AASS: variants seen among roughly 807,000 people sequenced by gnomAD.
The protein encoded by AASS is aminoadipate-semialdehyde synthase, also known as alpha-aminoadipic semialdehyde synthase, mitochondrial.
In AASS, 86 loss-of-function variants were observed where a neutral mutation model predicts 105.4. That is an observed-to-expected ratio of 0.82 (90% CI 0.69 to 0.98). The LOEUF (loss-of-function observed/expected upper bound fraction) is 0.98. AASS is among the 50% of genes least tolerant of loss of function. The probability of loss-of-function intolerance (pLI) is 0.00; values close to 1 mark genes in which losing one functional copy is unlikely to be tolerated. For missense variants in AASS, 1,048 were observed against 1,143.2 expected, an observed-to-expected ratio of 0.92 and a Z score of 1.20; for synonymous variants, 381 against 394.8, an observed-to-expected ratio of 0.96 and a Z score of 0.41.
At chr7:122,101,554 G>A (rs1584846691) in intron 12 of AASS, 67 bp downstream of exon 12, 2 of 1,491,998 alleles carry the variant, frequency 1.3e-6, no homozygotes, top group Non-Finnish European at 9.3e-7. Flanking sequence ...GAGAGAAACA[G>A]AGAGAAGAGA....
At position 122,096,458 on chromosome 7, in the gene AASS, T is replaced by C. The variant is rs1475250420; in HGVS notation, c.1655+1992A>G. On this transcript the variant is annotated intron_variant, in intron 15 of 23. Transcript: ENST00000417368. ...GCCTGAGCAACATGGTGATATCCCA[T>C]TGCTACTAAAAATACAAACTTTAGC... Among the ~76,000 whole-genome samples, 4 of 151,928 alleles carry C rather than the reference T, an allele frequency of 2.6e-5. No individual in the cohort carries two copies. The East Asian group carries it at 5.8e-4, about 22-fold the overall frequency.
chr7:122,120,242 G>A (rs1263287654), intron 4 of AASS, among the ~76,000 whole-genome samples: 5 of 152,038 alleles, frequency 3.3e-5, no homozygotes, highest in East Asian at 1.9e-4. Flanking sequence ...ATGCCTATTA[G>A]TGGAATTTAG....
intron 18 of AASS, among the ~76,000 whole-genome samples, chr7:122,087,883 T>C (rs1046280504): frequency 6.6e-6 from 1 of 152,152 alleles, no homozygotes; most frequent in Non-Finnish European, 1.5e-5. Flanking sequence ...CATAAGTCTA[T>C]CATGAAATCC....
chr7:122,076,678 T>C, intron 23 of AASS, 71 bp from the exon 24 acceptor site: 1 of 1,190,834 alleles, frequency 8.4e-7, no homozygotes, highest in Non-Finnish European at 1.3e-6. Flanking sequence ...ATCAAGAGTC[T>C]CCACAAAGAA....
rs139471028 is a variant in AASS at position 122,101,880 on chromosome 7, C to T, written c.1279-200G>A. ...TGCCCACAAGACTATGGTGTTTCAG[C>T]ACAAGTCCCAATTTTAAAACTAAAA... On this transcript the variant is annotated intron_variant, in intron 11 of 23. Transcript: ENST00000417368. 2.8e-3 allele frequency among the ~76,000 whole-genome samples: 426 copies of T among 151,984 alleles called. 1 individual carries two copies. Among genetic ancestry groups the T allele is most frequent in the Non-Finnish European group, 3.4e-3 (231 of 67,852 alleles).
intron 13 of AASS, among the ~76,000 whole-genome samples, chr7:122,101,101 G>A (rs866461183): frequency 9.9e-5 from 15 of 151,864 alleles, no homozygotes; most frequent in African/African-American, 3.6e-4. Context: ...CTACCTGAAG[G>A]ACAATCCTTT....
intron 11 of AASS, among the ~76,000 whole-genome samples, chr7:122,104,202 A>G (rs929251998): frequency 2.0e-5 from 3 of 152,086 alleles, no homozygotes; most frequent in Non-Finnish European, 4.4e-5. Context: ...TACTATTCAC[A>G]ATAGCAAAGT....
At chr7:122,141,658 CAAAAAAAAAAAAA>C (rs67469054) in intron 1 of AASS, among the ~76,000 whole-genome samples, 4 of 94,634 alleles carry the variant, frequency 4.2e-5, no homozygotes, top group South Asian at 3.8e-4. Flanking sequence ...CCTAACCCTG[CAAAAAAAAAAAAA>C]AAAAAAAAAA....
At chr7:122,118,999 A>G (rs560403310) in intron 4 of AASS, among the ~76,000 whole-genome samples, 9 of 152,298 alleles carry the variant, frequency 5.9e-5, no homozygotes, top group African/African-American at 2.2e-4. Context: ...ATCAGCATTT[A>G]AACATGCTCC....
At chr7:122,142,021 A>C (rs931814750) in intron 1 of AASS, among the ~76,000 whole-genome samples, 4 of 152,216 alleles carry the variant, frequency 2.6e-5, no homozygotes, top group African/African-American at 9.7e-5. Flanking sequence ...AAGAGTGGAC[A>C]TTCACCTAAG....
intron 8 of AASS, among the ~76,000 whole-genome samples, chr7:122,115,449 C>T (rs995256878): frequency 1.3e-5 from 2 of 152,012 alleles, no homozygotes; most frequent in African/African-American, 4.8e-5. Context: ...ACTATAAATA[C>T]ATTAGTGTGT....
At chr7:122,098,045 A>T (rs1025383711) in intron 15 of AASS, among the ~76,000 whole-genome samples, 10 of 151,980 alleles carry the variant, frequency 6.6e-5, no homozygotes, top group Admixed American at 6.6e-4. Flanking sequence ...AGCACAAATG[A>T]CTCTTGTAAT....
intron 11 of AASS, among the ~76,000 whole-genome samples, chr7:122,105,341 A>C: frequency 6.6e-6 from 1 of 152,124 alleles, no homozygotes; most frequent in South Asian, 2.1e-4. Context: ...AATTAATAAG[A>C]AAATACTGGA....
chr7:122,074,731 C>T lies in AASS; in HGVS notation c.*1758G>A, dbSNP rs570518509. Among the ~76,000 whole-genome samples, 6 of 152,286 alleles carry T rather than the reference C, an allele frequency of 3.9e-5. No individual in the cohort carries two copies. Among genetic ancestry groups the T allele is most frequent in the Non-Finnish European group, 2.9e-5 (2 of 68,010 alleles). ...TCCAAGCATCATTTAATGAAAAAGA[C>T]TATTTTGCCCCCATTGAATTGTCTT... On this transcript the variant is annotated 3_prime_UTR_variant, in exon 24 of 24. Coordinates refer to ENST00000417368, the MANE Select transcript of AASS (RefSeq NM_005763.4).
rs1226296961 is a variant in AASS, at chr7:122,074,945, G to A, written c.*1544C>T. On this transcript the variant is annotated 3_prime_UTR_variant, in exon 24 of 24. Transcript: ENST00000417368. ...CCCAGTTATAGCTCATTGCAGCTTC[G>A]AACTTTGGGGCTCAAGCCATCCTTA... Among the ~76,000 whole-genome samples, 1 of 151,896 alleles carries A rather than the reference G, an allele frequency of 6.6e-6. No homozygotes were observed. The highest frequency in any genetic ancestry group is 1.5e-5 in the Non-Finnish European group (1 of 67,996).
intron 1 of AASS, among the ~76,000 whole-genome samples, chr7:122,135,165 C>A (rs1293430585): frequency 6.6e-6 from 1 of 151,672 alleles, no homozygotes. Context: ...AGGAGATACA[C>A]CTAATGTAAA....
chr7:122,104,766 G>C (rs1794589119), intron 11 of AASS, among the ~76,000 whole-genome samples: 1 of 151,930 alleles, frequency 6.6e-6, no homozygotes, highest in Admixed American at 6.6e-5. Flanking sequence ...TAGAAACCAG[G>C]GTATACTTGA....
At chr7:122,107,198 C>T (rs1211753612) in intron 11 of AASS, among the ~76,000 whole-genome samples, 1 of 152,078 alleles carries the variant, frequency 6.6e-6, no homozygotes, top group East Asian at 1.9e-4. Flanking sequence ...TACCGTCTCA[C>T]ACTAGTCAGA....
chr7:122,110,454 AAATGT>A (rs1295705947), intron 11 of AASS, among the ~76,000 whole-genome samples: 1 of 151,982 alleles, frequency 6.6e-6, no homozygotes, highest in African/African-American at 2.4e-5. Flanking sequence ...TTTTTAAATA[AAATGT>A]AATCTATAAT....
Sources: gnomAD v4.1 joint callset for allele counts (sites outside exome capture counted in the v4.1 genomes callset) on GRCh38, gnomAD v4.1.1 for gene constraint, MANE v1.5 for transcripts, NCBI Gene and HGNC (gene_info 2026-07-23, HGNC 2026-07-21) for gene names.